Variants in ACER1 observed in about 807,000 individuals in gnomAD.
ACER1 encodes the protein CTB-180A7.3.
A neutral mutation model predicts 24.9 loss-of-function variants in ACER1; 28 were observed. The ratio of observed to expected loss-of-function variants is 1.13; its 90% confidence interval spans 0.83 to 1.54. The LOEUF is 1.54. ACER1 is among the 40% of genes most tolerant of loss of function. The pLI, the probability that ACER1 is intolerant of heterozygous loss-of-function variation, is 0.00. For missense variants in ACER1, 352 were observed against 349.3 expected (o/e 1.01, Z -0.06); for synonymous variants, 132 against 131.4 (o/e 1.00, Z -0.03).
chr19:6,351,345 A>G, the ACER1 span, among the ~76,000 whole-genome samples: 1 of 151,156 alleles, frequency 6.6e-6, no homozygotes, highest in African/African-American at 2.4e-5. Context: ...CAGCCTGGGC[A>G]AAAAGAGTGA....
chr19:6,349,507 A>G, the ACER1 span, among the ~76,000 whole-genome samples: 1 of 145,240 alleles, frequency 6.9e-6, no homozygotes. Context: ...GAAGGAAGGA[A>G]AGAAGGAAGG....
chr19:6,326,471 C>T (rs1320465292), intron 1 of ACER1, among the ~76,000 whole-genome samples: 3 of 151,570 alleles, frequency 2.0e-5, no homozygotes, highest in Non-Finnish European at 4.4e-5. Context: ...TGCTATATTG[C>T]CCAGGCTGGT....
chr19:6,341,542 AAAAAAG>A, the ACER1 span, among the ~76,000 whole-genome samples: 25 of 151,500 alleles, frequency 1.7e-4, no homozygotes, highest in Admixed American at 9.2e-4. Flanking sequence ...AAAAAAGAAA[AAAAAAG>A]AAAAAGAAAA....
chr19:6,320,845 G>T (rs1482033902), intron 1 of ACER1, among the ~76,000 whole-genome samples: 1 of 152,136 alleles, frequency 6.6e-6, no homozygotes, highest in Non-Finnish European at 1.5e-5. Context: ...GAGGATTACA[G>T]TTGGTGCTAA....
upstream of ACER1, among the ~76,000 whole-genome samples, chr19:6,333,909 T>C (rs1192945207): frequency 6.6e-6 from 1 of 152,122 alleles, no homozygotes; most frequent in African/African-American, 2.4e-5. Flanking sequence ...AGTCAGGGCC[T>C]TGCTCTGTTG....
chr19:6,357,706 T>C, the ACER1 span, among the ~76,000 whole-genome samples: 1 of 150,248 alleles, frequency 6.7e-6, no homozygotes, highest in African/African-American at 2.5e-5. Context: ...GAGGCTTCAG[T>C]GAGCCGAGAT....
Position 6,312,446 on chromosome 19 carries a change from G to A in ACER1, c.147C>T (p.His49=). ...AGCGGGAGCGCTTCTGGGCATACGG[G>A]TGCATCAGGAGCATCATCAGTGGCC... ...IFGPLMMLLM[H]PYAQKRSRYI... Residue 49 remains histidine, a synonymous_variant, in exon 2 of 6, where the codon CAC becomes CAT. Coordinates refer to ENST00000301452, the MANE Select transcript of ACER1 (RefSeq NM_133492.3). 6.2e-7 allele frequency: 1 copy of A among 1,613,998 alleles called. No individual in the cohort carries two copies. The highest frequency in any genetic ancestry group is 8.5e-7 in the Non-Finnish European group (1 of 1,180,018).
chr19:6,347,113 T>C, the ACER1 span, among the ~76,000 whole-genome samples: 1 of 111,852 alleles, frequency 8.9e-6, no homozygotes, highest in Admixed American at 8.3e-5. Context: ...AAAAAAAATA[T>C]ATATATATAT....
chr19:6,344,545 C>A, the ACER1 span, among the ~76,000 whole-genome samples: 3 of 151,966 alleles, frequency 2.0e-5, no homozygotes, highest in African/African-American at 7.2e-5. Flanking sequence ...CAGGCACCCA[C>A]AACCATACCT....
At chr19:6,328,816 G>A (rs1171381776) in intron 1 of ACER1, among the ~76,000 whole-genome samples, 1 of 150,512 alleles carries the variant, frequency 6.6e-6, no homozygotes, top group Non-Finnish European at 1.5e-5. Context: ...ACGGATGCAT[G>A]CCACCATGCC....
chr19:6,310,245 G>C (rs190829820), intron 3 of ACER1, among the ~76,000 whole-genome samples: 2 of 150,614 alleles, frequency 1.3e-5, no homozygotes, highest in Non-Finnish European at 1.5e-5. Flanking sequence ...CCGCCACCAC[G>C]CCCGGCTCAT....
At chr19:6,326,607 G>T (rs1397501321) in intron 1 of ACER1, among the ~76,000 whole-genome samples, 2 of 151,706 alleles carry the variant, frequency 1.3e-5, no homozygotes, top group African/African-American at 4.8e-5. Context: ...AGCAAGCAGA[G>T]ACCTTATGCC....
intron 1 of ACER1, among the ~76,000 whole-genome samples, chr19:6,316,352 T>C (rs2091603030): frequency 6.6e-6 from 1 of 152,094 alleles, no homozygotes; most frequent in Non-Finnish European, 1.5e-5. Flanking sequence ...GGAGGAAAGA[T>C]TGCTTGAGCA....
chr19:6,324,394 G>A (rs1423376595), intron 1 of ACER1, among the ~76,000 whole-genome samples: 1 of 151,828 alleles, frequency 6.6e-6, no homozygotes, highest in Admixed American at 6.6e-5. Flanking sequence ...GCCCAGGCTG[G>A]AGTGCAGTGA....
chr19:6,317,566 ATATCAAC>A (rs1255531306), intron 1 of ACER1, among the ~76,000 whole-genome samples: 2 of 152,172 alleles, frequency 1.3e-5, no homozygotes, highest in Admixed American at 1.3e-4. Context: ...CAGCCCTTGA[ATATCAAC>A]GCGTGCCTGA....
chr19:6,306,582 C>G lies in ACER1; in HGVS notation c.*132G>C. ...TGCCTCAAGGCAGGGCAGCGCAGGA[C>G]AAGGAGGACACGGAAGGGGAAACAG... On this transcript the variant is annotated 3_prime_UTR_variant, in exon 6 of 6. Transcript: ENST00000301452. 8.9e-7 allele frequency: 1 copy of G among 1,127,398 alleles called. No homozygotes were observed. Among genetic ancestry groups the G allele is most frequent in the Non-Finnish European group, 1.2e-6 (1 of 803,762 alleles). 69.8% of individuals were successfully genotyped at this position (1,127,398 alleles called of 1,614,324 possible). A position where few individuals can be genotyped will look rare whatever the true frequency, so the allele number is the denominator to read the frequency against.
chr19:6,352,525 G>A, the ACER1 span, among the ~76,000 whole-genome samples: 5 of 152,298 alleles, frequency 3.3e-5, no homozygotes, highest in Non-Finnish European at 5.9e-5. Flanking sequence ...CTCAAATTAT[G>A]AGAAATGATA....
At chr19:6,337,477 T>A (rs1473850981), upstream of ACER1, among the ~76,000 whole-genome samples, 1 of 149,486 alleles carries the variant, frequency 6.7e-6, no homozygotes, top group East Asian at 2.0e-4. Flanking sequence ...TTTTTTGAGA[T>A]GGCGTTTGCT....
At chr19:6,324,864 G>C (rs867429633) in intron 1 of ACER1, among the ~76,000 whole-genome samples, 1 of 80,914 alleles carries the variant, frequency 1.2e-5, no homozygotes, top group Non-Finnish European at 2.2e-5. Flanking sequence ...AGAGAGAAAG[G>C]AAGGAAGGAA....
Sources: gnomAD v4.1 joint callset for allele counts (sites outside exome capture counted in the v4.1 genomes callset) on GRCh38, gnomAD v4.1.1 for gene constraint, MANE v1.5 for transcripts, NCBI Gene and HGNC (gene_info 2026-07-23, HGNC 2026-07-21) for gene names.